The following ALMS1 variants were observed in gnomAD, a reference collection of about 807,000 sequenced individuals.
ALMS1 encodes the protein ALMS1 centrosome and basal body associated protein.
In ALMS1, 271 loss-of-function variants were observed where a neutral mutation model predicts 352.2. The observed-to-expected ratio is 0.77, with a 90% confidence interval of 0.70 to 0.85. ALMS1 has a LOEUF of 0.85. ALMS1 is among the 40% of genes least tolerant of loss of function. The probability of loss-of-function intolerance (pLI) is 0.00; values close to 1 mark genes in which losing one functional copy is unlikely to be tolerated. For synonymous variants in ALMS1, 1,865 were observed against 1,761.2 expected, an observed-to-expected ratio of 1.06 and a Z score of -1.48; for missense variants, 5,445 against 4,870.7, an observed-to-expected ratio of 1.12 and a Z score of -3.51.
chr2:73,497,965 A>C (rs534823402), intron 10 of ALMS1, among the ~76,000 whole-genome samples: 2 of 152,042 alleles, frequency 1.3e-5, no homozygotes, highest in Non-Finnish European at 2.9e-5. Context: ...CCTCAGATAT[A>C]TTGCAGGTTC....
rs758617644 is a variant in ALMS1, at chr2:73,419,252, A to T, written c.580A>T (p.Ile194Leu). The change falls in exon 3 of 23, where the codon ATA becomes TTA. Residue 194 changes from isoleucine (I) to leucine (L), a missense_variant. Coordinates refer to ENST00000613296, the MANE Select transcript of ALMS1 (RefSeq NM_001378454.1). ...VTDFPSLEEG[I>L]LTQSENQVKE... ...AGACTTCCCCTCTCTGGAGGAGGGC[A>T]TATTGACGCAATCAGAAAATCAAGT... The T allele has an allele frequency of 6.2e-7, 1 of 1,614,102 alleles. No homozygotes were observed. The highest frequency in any genetic ancestry group is 8.5e-7 in the Non-Finnish European group (1 of 1,179,980).
At chr2:73,488,498 C>T (rs1053288106) in intron 9 of ALMS1, among the ~76,000 whole-genome samples, 1 of 152,134 alleles carries the variant, frequency 6.6e-6, no homozygotes, top group Non-Finnish European at 1.5e-5. Context: ...CCTGGGTCTA[C>T]AGCTGTGACT....
chr2:73,435,759 T>G (rs1046679357), intron 7 of ALMS1, among the ~76,000 whole-genome samples: 8 of 152,092 alleles, frequency 5.3e-5, no homozygotes, highest in African/African-American at 1.9e-4. Context: ...ACTGAGCTAA[T>G]TTTTCAAAAA....
intron 7 of ALMS1, among the ~76,000 whole-genome samples, chr2:73,441,455 C>CA (rs1671716447): frequency 6.6e-6 from 1 of 152,274 alleles, no homozygotes; most frequent in East Asian, 1.9e-4. Context: ...TCTGGTGGTG[C>CA]AAGCCTACCT....
intron 21 of ALMS1, among the ~76,000 whole-genome samples, chr2:73,605,590 T>C (rs1675798721): frequency 6.6e-6 from 1 of 152,242 alleles, no homozygotes; most frequent in Non-Finnish European, 1.5e-5. Flanking sequence ...GGCTCACGCC[T>C]ATAATCCCAA....
intron 9 of ALMS1, 25 bp downstream of exon 9, chr2:73,455,320 G>A (rs1178634622): frequency 6.2e-7 from 1 of 1,613,018 alleles, no homozygotes; most frequent in Non-Finnish European, 8.5e-7. Context: ...TGGAAATGAA[G>A]AAAGTAAATA....
chr2:73,452,268 C>T lies in ALMS1; in HGVS notation c.5741C>T (p.Thr1914Ile), dbSNP rs1371097457. The part of the protein sequence containing the change: ...IFHQQELPDV[T>I]EEALNVFVVP... The stretch of plus-strand genomic sequence containing the variant: ...CATCAGCAGGAGTTGCCAGATGTTA[C>T]TGAAGAAGCTTTAAATGTTTTTGTT... The change falls in exon 8 of 23, where the codon ACT becomes ATT. Residue 1914 changes from threonine (T) to isoleucine (I), a missense_variant. By Grantham distance (89) the Thr-to-Ile change is moderately conservative. Transcript: ENST00000613296. 1.9e-6 allele frequency: 3 copies of T among 1,613,988 alleles called. No individual in the cohort carries two copies. The highest frequency in any genetic ancestry group is 2.5e-6 in the Non-Finnish European group (3 of 1,179,986).
At chr2:73,430,249 TG>T (rs1333820412) in intron 6 of ALMS1, among the ~76,000 whole-genome samples, 3 of 152,080 alleles carry the variant, frequency 2.0e-5, no homozygotes, top group African/African-American at 7.2e-5. Context: ...GCTAATTTTT[TG>T]TATTTTTAGT....
At chr2:73,444,899 A>G (rs1671776838) in intron 7 of ALMS1, among the ~76,000 whole-genome samples, 1 of 152,182 alleles carries the variant, frequency 6.6e-6, no homozygotes, top group South Asian at 2.1e-4. Flanking sequence ...ACACAATTAT[A>G]ATTATTTAGT....
In ALMS1 at chr2:73,491,051, C is replaced by T. The variant is rs1488289055; in HGVS notation, c.9092C>T (p.Ala3031Val). 6.2e-7 allele frequency: 1 copy of T among 1,614,210 alleles called. No individual in the cohort carries two copies. The highest frequency in any genetic ancestry group is 1.1e-5 in the South Asian group (1 of 91,078). Residue 3031 changes from alanine to valine, a missense_variant, in exon 10 of 23, where the codon GCA becomes GTA. Ala to Val is a moderately conservative substitution (Grantham distance 64, BLOSUM62 0). Coordinates refer to ENST00000613296, the MANE Select transcript of ALMS1 (RefSeq NM_001378454.1). ...SQSAPNHCTL[A>V]ASASTPPSNR... ...TCAGCCCCAAATCACTGTACATTAGCAGCATCTGCATCTACTCCTCCTTCA... is the reference window on the plus strand; with the variant it reads ...TCAGCCCCAAATCACTGTACATTAGTAGCATCTGCATCTACTCCTCCTTCA...
chr2:73,454,096 G>A (rs567387954), intron 8 of ALMS1, 29 bp downstream of exon 8: 8 of 1,579,714 alleles, frequency 5.1e-6, no homozygotes, highest in Middle Eastern at 1.7e-4. Flanking sequence ...GCTTATAAAC[G>A]TTATAGTTTA....
intron 6 of ALMS1, among the ~76,000 whole-genome samples, chr2:73,430,317 C>A (rs1378888268): frequency 6.6e-6 from 1 of 152,154 alleles, no homozygotes; most frequent in Non-Finnish European, 1.5e-5. Context: ...ACTTCGTGAT[C>A]CGCCCGCCTC....
intron 16 of ALMS1, among the ~76,000 whole-genome samples, chr2:73,591,834 T>G (rs1358136621): frequency 6.6e-6 from 1 of 152,182 alleles, no homozygotes; most frequent in Admixed American, 6.5e-5. Context: ...TAGAAAAACC[T>G]TTGGGAAACA....
chr2:73,480,402 A>C (rs1227281279), intron 9 of ALMS1, among the ~76,000 whole-genome samples: 1 of 152,156 alleles, frequency 6.6e-6, no homozygotes, highest in Non-Finnish European at 1.5e-5. Context: ...AAAGGACATG[A>C]ACTCATCATT....
At chr2:73,569,508 A>C (rs557508030) in intron 15 of ALMS1, among the ~76,000 whole-genome samples, 1 of 152,280 alleles carries the variant, frequency 6.6e-6, no homozygotes, top group South Asian at 2.1e-4. Flanking sequence ...TCTGTTGCCA[A>C]GGTATCCTTC....
chr2:73,461,999 A>G (rs6736118), intron 9 of ALMS1, among the ~76,000 whole-genome samples: 53,177 of 149,834 alleles, frequency 0.35, 12,437 homozygotes, highest in African/African-American at 0.68. Context: ...TGAAAGTGAC[A>G]GGGAGAATGG....
intron 7 of ALMS1, among the ~76,000 whole-genome samples, chr2:73,439,031 C>A (rs886444047): frequency 6.7e-6 from 1 of 148,576 alleles, no homozygotes; most frequent in Non-Finnish European, 1.5e-5. Context: ...TTTTTTTCTT[C>A]TTTTTTCTTC....
intron 7 of ALMS1, among the ~76,000 whole-genome samples, chr2:73,435,736 T>G (rs1671592554): frequency 6.6e-6 from 1 of 151,948 alleles, no homozygotes; most frequent in African/African-American, 2.4e-5. Context: ...GGCCCACAGG[T>G]GTGTACCACT....
At chr2:73,505,894 A>C (rs1673310428) in intron 10 of ALMS1, among the ~76,000 whole-genome samples, 2 of 152,064 alleles carry the variant, frequency 1.3e-5, no homozygotes, top group South Asian at 4.1e-4. Context: ...GGTATTGCCT[A>C]GGTTTTTTTG....
Sources: allele counts gnomAD v4.1 joint callset (sites outside exome capture counted in the v4.1 genomes callset), GRCh38; gene constraint gnomAD v4.1.1; transcripts MANE v1.5; gene names NCBI Gene and HGNC (gene_info 2026-07-23, HGNC 2026-07-21).